The following ELAVL2 variants were observed in gnomAD, a reference collection of about 807,000 sequenced individuals.
ELAVL2 encodes the protein ELAV like RNA binding protein 2.
Under a neutral mutation model 34.6 loss-of-function variants are expected in ELAVL2, and 4 were observed. The ratio of observed to expected loss-of-function variants is 0.12; its 90% CI spans 0.06 to 0.26. The LOEUF (loss-of-function observed/expected upper bound fraction) is 0.26. Among genes scored for constraint, ELAVL2 ranks in the 10% least tolerant of loss-of-function variants. The pLI is 1.00. For synonymous variants in ELAVL2, 193 were observed against 154.8 expected (o/e 1.25, Z -1.83); for missense variants, 432 against 442.8 (o/e 0.98, Z 0.22).
intron 1 of ELAVL2, among the ~76,000 whole-genome samples, chr9:23,806,144 A>T (rs2062191007): frequency 6.6e-6 from 1 of 152,232 alleles, no homozygotes; most frequent in African/African-American, 2.4e-5. Context: ...TAAAAAACAT[A>T]GAAATGTTTG....
chr9:23,696,594 G>C (rs939916238), intron 5 of ELAVL2, among the ~76,000 whole-genome samples: 1 of 152,042 alleles, frequency 6.6e-6, no homozygotes, highest in Non-Finnish European at 1.5e-5. Context: ...CCAGCCTCTC[G>C]AGTAGCTGGG....
At chr9:23,813,259 C>T (rs930027646) in intron 1 of ELAVL2, among the ~76,000 whole-genome samples, 34 of 152,114 alleles carry the variant, frequency 2.2e-4, no homozygotes, top group African/African-American at 8.0e-4. Context: ...GTGCATCAGT[C>T]TGCTCTACGG....
chr9:23,754,891 T>C (rs1037118718), intron 2 of ELAVL2, among the ~76,000 whole-genome samples: 4 of 152,192 alleles, frequency 2.6e-5, no homozygotes, highest in African/African-American at 7.2e-5. Flanking sequence ...CTCTGTCCTG[T>C]ACCAGTTCAG....
At chr9:23,759,872 T>C (rs1472075590) in intron 2 of ELAVL2, among the ~76,000 whole-genome samples, 1 of 149,604 alleles carries the variant, frequency 6.7e-6, no homozygotes, top group Non-Finnish European at 1.5e-5. Context: ...CTCTACTTGC[T>C]TACCAAATAT....
intron 4 of ELAVL2, among the ~76,000 whole-genome samples, chr9:23,702,408 T>C (rs910887362): frequency 6.6e-6 from 1 of 152,156 alleles, no homozygotes; most frequent in Non-Finnish European, 1.5e-5. Flanking sequence ...TGGGAAAGGA[T>C]AGCCAAGAAC....
chr9:23,826,958 AAAGATG>A (rs1328416941), upstream of ELAVL2, among the ~76,000 whole-genome samples: 6 of 152,370 alleles, frequency 3.9e-5, no homozygotes, highest in African/African-American at 9.6e-5. Flanking sequence ...CTTTTAAGAT[AAAGATG>A]AAGTCAGAAA....
At chr9:23,739,803 AC>A (rs200043373) in intron 2 of ELAVL2, among the ~76,000 whole-genome samples, 6 of 150,348 alleles carry the variant, frequency 4.0e-5, no homozygotes, top group South Asian at 2.1e-4. Context: ...ACACGCACAC[AC>A]CCCCCCCACT....
upstream of ELAVL2, among the ~76,000 whole-genome samples, chr9:23,827,573 A>G (rs1231940472): frequency 6.6e-6 from 1 of 152,154 alleles, no homozygotes; most frequent in African/African-American, 2.4e-5. Flanking sequence ...TACACATGTA[A>G]TGTGTCTTAA....
At chr9:23,828,797 A>C (rs1416545827), upstream of ELAVL2, among the ~76,000 whole-genome samples, 1 of 152,210 alleles carries the variant, frequency 6.6e-6, no homozygotes, top group Non-Finnish European at 1.5e-5. Context: ...AAACTTTTAA[A>C]TGGATAGATG....
intron 1 of ELAVL2, 150 bp from the exon 2 acceptor site, chr9:23,762,399 A>C: frequency 1.0e-6 from 1 of 969,322 alleles, no homozygotes; most frequent in Non-Finnish European, 1.5e-6. Context: ...ACCTACACTA[A>C]TTTTCACTTC....
Position 23,712,796 on chromosome 9 carries a change from A to G in ELAVL2, c.334-7725T>C, listed in dbSNP as rs536083924. 2.8e-4 allele frequency among the ~76,000 whole-genome samples: 43 copies of G among 152,316 alleles called. No individual in the cohort carries two copies. The South Asian group carries it at 8.1e-3, about 29-fold the overall frequency. On this transcript the variant is annotated intron_variant, in intron 3 of 6. Coordinates refer to ENST00000397312, the MANE Select transcript of ELAVL2 (RefSeq NM_004432.5). ...GTCAAGGCAGTTGATCTTAGCTTCA[A>G]CTTAAAGGCGACCTAGGAATAAATA...
chr9:23,817,701 T>C (rs1051819606), intron 1 of ELAVL2, among the ~76,000 whole-genome samples: 6 of 152,154 alleles, frequency 3.9e-5, no homozygotes, highest in African/African-American at 1.2e-4. Flanking sequence ...TAAAAAATTC[T>C]TCTAGCCTTA....
intron 2 of ELAVL2, among the ~76,000 whole-genome samples, chr9:23,750,177 A>T (rs2051565217): frequency 6.6e-6 from 1 of 152,140 alleles, no homozygotes; most frequent in South Asian, 2.1e-4. Flanking sequence ...CAAATAGAGT[A>T]AGAAACTAAC....
At chr9:23,752,889 T>C (rs955079897) in intron 2 of ELAVL2, among the ~76,000 whole-genome samples, 2 of 152,180 alleles carry the variant, frequency 1.3e-5, no homozygotes, top group African/African-American at 2.4e-5. Context: ...AGATGATATA[T>C]GGTGTCAGAA....
At chr9:23,711,666 G>A (rs2040998576) in intron 3 of ELAVL2, among the ~76,000 whole-genome samples, 3 of 152,126 alleles carry the variant, frequency 2.0e-5, no homozygotes, top group Admixed American at 2.0e-4. Context: ...TGAGTTGGGT[G>A]CCTCTTACCT....
At chr9:23,773,498 T>C (rs2057671901) in intron 1 of ELAVL2, among the ~76,000 whole-genome samples, 1 of 152,160 alleles carries the variant, frequency 6.6e-6, no homozygotes, top group African/African-American at 2.4e-5. Context: ...TCTCAAAAAG[T>C]AGGTGGGGCA....
the ELAVL2 span, among the ~76,000 whole-genome samples, chr9:23,839,785 A>G: frequency 1.3e-5 from 2 of 152,176 alleles, no homozygotes; most frequent in Non-Finnish European, 2.9e-5. Context: ...TGACCTTTAT[A>G]TAAAGAAAGC....
At chr9:23,798,847 C>A (rs2061267940) in intron 1 of ELAVL2, among the ~76,000 whole-genome samples, 1 of 152,128 alleles carries the variant, frequency 6.6e-6, no homozygotes, top group African/African-American at 2.4e-5. Flanking sequence ...TCTTAAAAAA[C>A]TGCTTCAGGA....
chr9:23,710,612 A>T (rs2040658358), intron 3 of ELAVL2, among the ~76,000 whole-genome samples: 1 of 152,358 alleles, frequency 6.6e-6, no homozygotes, highest in South Asian at 2.1e-4. Flanking sequence ...GACTACAAAC[A>T]TTAAACCTGA....
Sources: gnomAD v4.1 joint callset for allele counts (sites outside exome capture counted in the v4.1 genomes callset) on GRCh38, gnomAD v4.1.1 for gene constraint, MANE v1.5 for transcripts, NCBI Gene and HGNC (gene_info 2026-07-23, HGNC 2026-07-21) for gene names.